PNPLA7: variants seen among roughly 807,000 people sequenced by gnomAD.
The protein encoded by PNPLA7 is patatin-like phospholipase domain-containing protein 7.
In PNPLA7, 153 loss-of-function variants were observed where a neutral mutation model predicts 161.7. The ratio of observed to expected loss-of-function variants is 0.95; its 90% CI spans 0.83 to 1.08. PNPLA7 has a LOEUF of 1.08. Ranked by LOEUF, PNPLA7 falls within the 50% of genes least tolerant of loss-of-function variation. PNPLA7 has a pLI of 0.00. For synonymous variants in PNPLA7, 809 were observed against 782.1 expected (o/e 1.03, Z -0.57); for missense variants, 1,739 against 1,856.6 (o/e 0.94, Z 1.16).
rs1564319323 is a variant in PNPLA7, at chr9:137,501,635, C to CA, written c.1551+14dup. On this transcript the variant is annotated intron_variant, in intron 15 of 34. Transcript: ENST00000406427. The stretch of plus-strand genomic sequence containing the variant: ...ATTGGGTGGTCCCAGTGCCCCCCCC[C>CA]AGACCCCCGCTCACCTGGTCTCCCT... 2.5e-6 allele frequency: 4 copies of CA among 1,610,466 alleles called. No individual in the cohort carries two copies. The highest frequency in any genetic ancestry group is 2.2e-5 in the East Asian group (1 of 44,834).
chr9:137,503,780 A>G (rs371580869), intron 14 of PNPLA7, among the ~76,000 whole-genome samples: 1 of 3,010 alleles, frequency 3.3e-4, no homozygotes, highest in Non-Finnish European at 5.4e-4. Flanking sequence ...AAGAAAAAAG[A>G]AAGAAGAGAA....
chr9:137,465,271 A>G (rs773490593), intron 26 of PNPLA7, among the ~76,000 whole-genome samples: 6 of 152,128 alleles, frequency 3.9e-5, no homozygotes, highest in Non-Finnish European at 7.4e-5. Flanking sequence ...AAGCCAGACC[A>G]CACGCCCACT....
rs1306658080 is a variant in PNPLA7, at chr9:137,497,419, TCTCA to T, written c.1890-113_1890-110del. ...GATGGAGAAAAAGAAAATGCAGGCT[TCTCA>T]CTATCTTATTTTTGTTTTGGAAAAC... On this transcript the variant is annotated intron_variant, in intron 17 of 34. Transcript: ENST00000406427. 1.2e-5 allele frequency: 13 copies of T among 1,053,678 alleles called. No individual in the cohort carries two copies. In the East Asian group the frequency reaches 2.3e-4, roughly 18 times the overall value. 65.3% of individuals were successfully genotyped at this position (1,053,678 alleles called of 1,614,324 possible).
At chr9:137,466,790 C>T (rs1461874448) in intron 26 of PNPLA7, among the ~76,000 whole-genome samples, 3 of 147,484 alleles carry the variant, frequency 2.0e-5, no homozygotes, top group South Asian at 2.2e-4. Flanking sequence ...CCACCGTCTC[C>T]ACCAACTCAG....
chr9:137,508,988 C>T (rs1834059119), intron 12 of PNPLA7: 1 of 152,350 alleles, frequency 6.6e-6, no homozygotes, highest in Admixed American at 6.5e-5. Context: ...GCACAGGCAG[C>T]CTCCACTGCA....
intron 32 of PNPLA7, 96 bp downstream of exon 32, chr9:137,461,835 G>A (rs934767860): frequency 8.1e-6 from 11 of 1,358,198 alleles, no homozygotes; most frequent in Non-Finnish European, 9.9e-6. Context: ...TGTGGCCTGA[G>A]GAGCTGGGCG....
At chr9:137,526,033 A>T (rs1307547536) in intron 8 of PNPLA7, among the ~76,000 whole-genome samples, 2 of 151,480 alleles carry the variant, frequency 1.3e-5, no homozygotes, top group Non-Finnish European at 2.9e-5. Context: ...ATATTGGAAC[A>T]AAGAGTAATG....
rs1831956215 is a variant in PNPLA7 at position 137,476,724 on chromosome 9, G to A, written c.2882+1310C>T. On this transcript the variant is annotated intron_variant, in intron 25 of 34. Transcript: ENST00000406427. The surrounding 1 kb of genome is among the most constrained non-coding windows in gnomAD (Gnocchi z 4.5). The stretch of plus-strand genomic sequence containing the variant: ...CTTTCTCATTAAAAATGCTGCTGAT[G>A]TGGCCTGGGCTCAACTGCTCCAAGT... 1.3e-5 allele frequency among the ~76,000 whole-genome samples: 2 copies of A among 152,194 alleles called. No homozygotes were observed. The highest frequency in any genetic ancestry group is 4.1e-4 in the South Asian group (2 of 4,832).
At chr9:137,516,555 T>C in intron 11 of PNPLA7, 1 of 984,662 alleles carries the variant, frequency 1.0e-6, no homozygotes, top group Non-Finnish European at 1.2e-6. Context: ...ACACCTGTAA[T>C]CCAAACAATT....
intron 6 of PNPLA7, 47 bp from the exon 7 acceptor site, chr9:137,542,848 G>T: frequency 6.3e-7 from 1 of 1,577,900 alleles, no homozygotes; most frequent in Non-Finnish European, 8.6e-7. Context: ...AGGGGAGGAG[G>T]ACGGCCTCTC....
chr9:137,461,768 G>A, intron 32 of PNPLA7, 148 bp from the exon 33 acceptor site: 1 of 1,165,798 alleles, frequency 8.6e-7, no homozygotes, highest in Non-Finnish European at 1.2e-6. Context: ...GGGGAGATGC[G>A]CAGTCCTGAG....
Position 137,547,286 on chromosome 9 carries a change from A to T in PNPLA7, c.193+23T>A. ...ACGCTTTCCCCCAACCCCCCGGGCC[A>T]GAGTCGGAACCAAGATACTCACGAA... On this transcript the variant is annotated intron_variant, in intron 3 of 34. Coordinates refer to ENST00000406427, the MANE Select transcript of PNPLA7 (RefSeq NM_001098537.3). The surrounding 1 kb of genome is among the most constrained non-coding windows in gnomAD (Gnocchi z 4.6). 6.2e-7 allele frequency: 1 copy of T among 1,609,722 alleles called. No homozygotes were observed. The highest frequency in any genetic ancestry group is 8.5e-7 in the Non-Finnish European group (1 of 1,176,696).
chr9:137,486,947 C>T lies in PNPLA7; in HGVS notation c.2198-2211G>A, dbSNP rs1269641080. Among the ~76,000 whole-genome samples the T allele has an allele frequency of 6.6e-6, 1 of 151,946 alleles. No individual in the cohort carries two copies. The highest frequency in any genetic ancestry group is 1.5e-5 in the Non-Finnish European group (1 of 67,952). On this transcript the variant is annotated intron_variant, in intron 20 of 34. Coordinates refer to ENST00000406427, the MANE Select transcript of PNPLA7 (RefSeq NM_001098537.3). The surrounding 1 kb of genome is among the most constrained non-coding windows in gnomAD (Gnocchi z 6.0). ...CAAGGGTCCTGACCTCCTCAGGGAG[C>T]GCTGCCCCACCACCTGCGTGCCCCT...
At chr9:137,495,869 C>A (rs1208323087) in intron 18 of PNPLA7, among the ~76,000 whole-genome samples, 4 of 152,208 alleles carry the variant, frequency 2.6e-5, no homozygotes, top group Non-Finnish European at 5.9e-5. Context: ...GCTGGAACCA[C>A]CAGGCTGCAC....
rs1833322764 is a variant in PNPLA7 at position 137,500,366 on chromosome 9, G to A, written c.1757+325C>T. ...CCTGCCCCAACGTGGGCCTTGCTGA[G>A]CCAAGCTGGGGAGCCCCAGAACTGA... On this transcript the variant is annotated intron_variant, in intron 16 of 34. Coordinates refer to ENST00000406427, the MANE Select transcript of PNPLA7 (RefSeq NM_001098537.3). The surrounding 1 kb of genome is among the most constrained non-coding windows in gnomAD (Gnocchi z 5.5). Among the ~76,000 whole-genome samples, 1 of 152,240 alleles carries A rather than the reference G, an allele frequency of 6.6e-6. No individual in the cohort carries two copies. The highest frequency in any genetic ancestry group is 2.1e-4 in the South Asian group (1 of 4,834).
rs191132646 is a variant in PNPLA7, at chr9:137,480,845, G to A, written c.2411+115C>T. 39 of 1,146,544 alleles carry A rather than the reference G, an allele frequency of 3.4e-5. 1 individual carries two copies. The South Asian group carries it at 5.0e-4, about 15-fold the overall frequency. 71.0% of individuals were successfully genotyped at this position (1,146,544 alleles called of 1,614,324 possible). On this transcript the variant is annotated intron_variant, in intron 22 of 34. Coordinates refer to ENST00000406427, the MANE Select transcript of PNPLA7 (RefSeq NM_001098537.3). The stretch of plus-strand genomic sequence containing the variant: ...ACGTCATCAGCCCTCACACCACAGT[G>A]TGCTGGACGAGGAGCACGCTGCAGT...
At position 137,541,642 on chromosome 9, in the gene PNPLA7, C is replaced by T. The variant is rs1344841410; in HGVS notation, c.667-920G>A. On this transcript the variant is annotated intron_variant, in intron 7 of 34. Transcript: ENST00000406427. This position sits in a 1 kb window ranked among gnomAD's most constrained non-coding sequence, Gnocchi z 4.4. ...CAAACTGCCCAGACAGACAAAGCCA[C>T]ACCACCCTCCAGGAGAGCAACACAG... is the stretch of plus-strand genomic sequence containing the variant. 2 of 234,378 alleles carry T rather than the reference C, an allele frequency of 8.5e-6. No homozygotes were observed. Among genetic ancestry groups the T allele is most frequent in the East Asian group, 1.8e-4 (1 of 5,536 alleles). 14.5% of individuals were successfully genotyped at this position (234,378 alleles called of 1,614,324 possible).
intron 20 of PNPLA7, chr9:137,491,725 C>T (rs1832773215): frequency 1.0e-6 from 1 of 985,346 alleles, no homozygotes; most frequent in African/African-American, 1.7e-5. Context: ...TCTGTGCATC[C>T]ATCCGCTTCT....
chr9:137,523,538 C>T lies in PNPLA7; in HGVS notation c.748-681G>A, dbSNP rs1241638369. On this transcript the variant is annotated intron_variant, in intron 8 of 34. Coordinates refer to ENST00000406427, the MANE Select transcript of PNPLA7 (RefSeq NM_001098537.3). This position sits in a 1 kb window ranked among gnomAD's most constrained non-coding sequence, Gnocchi z 4.4. ...GGCTGTTTTTAAATCACGCTGTGAT[C>T]TGCATGCAGGCAGATTCTTCTGGAA... 6.6e-6 allele frequency among the ~76,000 whole-genome samples: 1 copy of T among 152,118 alleles called. No homozygotes were observed. The highest frequency in any genetic ancestry group is 1.5e-5 in the Non-Finnish European group (1 of 68,028).
Sources: allele counts gnomAD v4.1 joint callset (sites outside exome capture counted in the v4.1 genomes callset), GRCh38; gene constraint gnomAD v4.1.1; non-coding constraint Gnocchi (gnomAD v3.1); transcripts MANE v1.5; gene names NCBI Gene and HGNC (gene_info 2026-07-23, HGNC 2026-07-21).